Variants in ETAA1 observed in about 807,000 individuals in gnomAD.
ETAA1 encodes ETAA1 activator of ATR kinase.
Under a neutral mutation model 76.8 loss-of-function variants are expected in ETAA1, and 49 were observed. The observed-to-expected ratio is 0.64, with a 90% CI of 0.51 to 0.81. The LOEUF is 0.81. Ranked by LOEUF, ETAA1 falls within the 30% of genes least tolerant of loss-of-function variation. The pLI, the probability that ETAA1 is intolerant of heterozygous loss-of-function variation, is 0.00. For missense variants in ETAA1, 1,099 were observed against 1,074.0 expected (o/e 1.02, Z -0.32); for synonymous variants, 373 against 372.2 (o/e 1.00, Z -0.03).
intron 4 of ETAA1, 73 bp from the exon 5 acceptor site, chr2:67,403,152 C>G: frequency 8.5e-7 from 1 of 1,179,830 alleles, no homozygotes; most frequent in Non-Finnish European, 1.2e-6. Flanking sequence ...GCTTTAACAT[C>G]AAAATATGTT....
chr2:67,409,651 G>A (rs915491555), intron 5 of ETAA1, among the ~76,000 whole-genome samples: 35 of 151,888 alleles, frequency 2.3e-4, no homozygotes, highest in African/African-American at 7.2e-4. Flanking sequence ...TGGGTAGTCA[G>A]TTTTCTATCA....
At chr2:67,398,620 C>T (rs896208892) in intron 1 of ETAA1, among the ~76,000 whole-genome samples, 1 of 152,066 alleles carries the variant, frequency 6.6e-6, no homozygotes, top group East Asian at 1.9e-4. Context: ...ACAGCCACCG[C>T]GCCCGGCCAC....
At position 67,404,916 on chromosome 2, in the gene ETAA1, G is replaced by C; in HGVS notation, c.2234G>C (p.Cys745Ser). The C allele has an allele frequency of 6.2e-7, 1 of 1,613,024 alleles. No homozygotes were observed. Among genetic ancestry groups the C allele is most frequent in the Non-Finnish European group, 8.5e-7 (1 of 1,179,376 alleles). The change falls in exon 5 of 6, where the codon TGT becomes TCT. Residue 745 changes from cysteine (C) to serine (S), a missense_variant. By Grantham distance (112) the Cys-to-Ser change is moderately radical (BLOSUM62 -1). Coordinates refer to ENST00000272342, the MANE Select transcript of ETAA1 (RefSeq NM_019002.4). ...ACTATGTATTCTAAGATCTCAAACTGTCAGATAAATAATCTGCATGTGTCT... is the reference window on the plus strand; with the variant it reads ...ACTATGTATTCTAAGATCTCAAACTCTCAGATAAATAATCTGCATGTGTCT... ...NLTMYSKISN[C>S]QINNLHVSYT...
Position 67,403,638 on chromosome 2 carries a change from T to G in ETAA1, c.956T>G (p.Leu319Trp). The change falls in exon 5 of 6, where the codon TTG (leucine) becomes TGG (tryptophan). Residue 319 changes from leucine (L) to tryptophan (W), a missense_variant. By Grantham distance (61) the Leu-to-Trp change is moderately conservative (BLOSUM62 -2). Transcript: ENST00000272342. ...ACTACCTTTGTAAAGACAAATGCTT[T>G]GAAAGAGGAGAAAATCATTACTAAT... is the stretch of plus-strand genomic sequence containing the variant. ...SNTTFVKTNA[L>W]KEEKIITNET... 6.2e-7 allele frequency: 1 copy of G among 1,613,340 alleles called. No homozygotes were observed. The highest frequency in any genetic ancestry group is 1.1e-5 in the South Asian group (1 of 91,058).
intron 3 of ETAA1, among the ~76,000 whole-genome samples, chr2:67,400,011 A>C (rs1415455537): frequency 6.6e-6 from 1 of 152,320 alleles, no homozygotes; most frequent in East Asian, 1.9e-4. Flanking sequence ...CCTGTCTGTA[A>C]CATTTCCCCA....
At chr2:67,401,556 AAATC>A (rs1453916361) in intron 3 of ETAA1, 2 of 151,890 alleles carry the variant, frequency 1.3e-5, no homozygotes, top group Non-Finnish European at 3.0e-5. Flanking sequence ...TTATGGTTGA[AAATC>A]AATAAATTAT....
chr2:67,401,221 T>C (rs1186877373), intron 3 of ETAA1: 1 of 152,062 alleles, frequency 6.6e-6, no homozygotes, highest in East Asian at 1.9e-4. Flanking sequence ...CCTCTTAAAC[T>C]GAGTACTTTT....
At chr2:67,408,258 A>C (rs1676271648) in intron 5 of ETAA1, among the ~76,000 whole-genome samples, 1 of 152,150 alleles carries the variant, frequency 6.6e-6, no homozygotes, top group Non-Finnish European at 1.5e-5. Context: ...GATCTGTCCA[A>C]ATCCAGCCTG....
chr2:67,403,625 A>G lies in ETAA1; in HGVS notation c.943A>G (p.Lys315Glu), dbSNP rs1676118259. ...GAGCACCAGTAATACTACCTTTGTA[A>G]AGACAAATGCTTTGAAAGAGGAGAA... is the stretch of plus-strand genomic sequence containing the variant. Reference protein sequence around the residue: ...FWSTSNTTFVKTNALKEEKII... With the variant: ...FWSTSNTTFVETNALKEEKII... Residue 315 changes from lysine (K) to glutamate (E), a missense_variant, in exon 5 of 6, where the codon AAG becomes GAG. Lys to Glu is a moderately conservative substitution (Grantham distance 56). Around this residue, in one of 3 missense-constraint regions of ETAA1, gnomAD observed 761 missense variants for 731.9 expected, o/e 1.04. Coordinates refer to ENST00000272342, the MANE Select transcript of ETAA1 (RefSeq NM_019002.4). 1 of 1,613,258 alleles carries G rather than the reference A, an allele frequency of 6.2e-7. No homozygotes were observed. Among genetic ancestry groups the G allele is most frequent in the South Asian group, 1.1e-5 (1 of 91,070 alleles).
At position 67,402,901 on chromosome 2, in the gene ETAA1, A is replaced by C. The variant is rs373692063; in HGVS notation, c.469A>C (p.Ile157Leu). The change falls in exon 4 of 6, where the codon ATT (isoleucine) becomes CTT (leucine). Residue 157 changes from isoleucine to leucine, a missense_variant. This residue lies in a region of ETAA1 where 761 missense variants were observed against 731.9 expected (regional missense o/e 1.04). Coordinates refer to ENST00000272342, the MANE Select transcript of ETAA1 (RefSeq NM_019002.4). Reference protein sequence around the residue: ...PTTNSMLDMWIGETAIPCTPS... With the variant: ...PTTNSMLDMWLGETAIPCTPS... ...AACAAATTCTATGCTGGACATGTGG[A>C]TTGGTGAAACTGCTATTCCTTGTAC... 8.7e-6 allele frequency: 14 copies of C among 1,605,032 alleles called. No homozygotes were observed. The highest frequency in any genetic ancestry group is 1.1e-5 in the Non-Finnish European group (13 of 1,175,676).
rs1675899576 is a variant in ETAA1, at chr2:67,397,362, C to CG, written c.-83dup. The CG allele has an allele frequency of 7.3e-7, 1 of 1,368,106 alleles. No individual in the cohort carries two copies. Among genetic ancestry groups the CG allele is most frequent in the East Asian group, 2.5e-5 (1 of 39,840 alleles). The allele number at this position is 1,368,106 out of a possible 1,614,324, so 84.7% of individuals were successfully genotyped here. A position where few individuals can be genotyped will look rare whatever the true frequency, so the allele number is the denominator to read the frequency against. ...ACCAAAATGGCGGCTGCCGTTGGTG[C>CG]GGGGTGCGGTTTGTAGTGCTGTTGC... On this transcript the variant is annotated 5_prime_UTR_variant, in exon 1 of 6. It removes the in-frame stop codon of an upstream open reading frame in the 5' UTR. Coordinates refer to ENST00000272342, the MANE Select transcript of ETAA1 (RefSeq NM_019002.4).
Position 67,397,423 on chromosome 2 carries a change from C to G in ETAA1, c.-26C>G. On this transcript the variant is annotated 5_prime_UTR_variant, in exon 1 of 6. Coordinates refer to ENST00000272342, the MANE Select transcript of ETAA1 (RefSeq NM_019002.4). ...CCTTTGCAAAATGTGAAAGAAGAAG[C>G]GGCTGGTGGAGGCGGGCCATAGGCA... The G allele has an allele frequency of 6.4e-7, 1 of 1,566,080 alleles. No individual in the cohort carries two copies.
rs763212118 is a variant in ETAA1, at chr2:67,404,065, T to C, written c.1383T>C (p.Tyr461=). 2.5e-6 allele frequency: 4 copies of C among 1,601,512 alleles called. No individual in the cohort carries two copies. In the Admixed American group the frequency reaches 7.0e-5, roughly 28 times the overall value. The change falls in exon 5 of 6, where the codon TAT becomes TAC. Residue 461 remains tyrosine, a synonymous_variant. Coordinates refer to ENST00000272342, the MANE Select transcript of ETAA1 (RefSeq NM_019002.4). ...ACAGAGAATTAATAGATGCAGAATA[T>C]AGATTTTCACCAAATTCAAATAAAT... ...TYDRELIDAE[Y]RFSPNSNKSN... is the part of the protein sequence containing the mutation.
Position 67,403,791 on chromosome 2 carries a change from A to G in ETAA1, c.1109A>G (p.Tyr370Cys). 2 of 1,613,366 alleles carry G rather than the reference A, an allele frequency of 1.2e-6. No individual in the cohort carries two copies. The highest frequency in any genetic ancestry group is 1.1e-5 in the South Asian group (1 of 91,072). ...CTKEPETSNK[Y>C]IDAFTTSDFE... ...AAGGAGCCAGAAACTTCTAATAAGT[A>G]CATTGATGCATTTACTACAAGTGAT... The change falls in exon 5 of 6, where the codon TAC becomes TGC. Residue 370 changes from tyrosine to cysteine, a missense_variant. Physicochemically the swap from Tyr to Cys is radical, Grantham distance 194. Around this residue, in one of 3 missense-constraint regions of ETAA1, gnomAD observed 761 missense variants for 731.9 expected, o/e 1.04. Transcript: ENST00000272342.
At chr2:67,406,555 A>T (rs1676225508) in intron 5 of ETAA1, among the ~76,000 whole-genome samples, 2 of 152,290 alleles carry the variant, frequency 1.3e-5, no homozygotes, top group South Asian at 2.1e-4. Context: ...CAATAGTAAT[A>T]TGCTAGTTAT....
At chr2:67,397,768 G>A (rs368894042) in intron 1 of ETAA1, 97 bp downstream of exon 1, 1 of 1,232,362 alleles carries the variant, frequency 8.1e-7, no homozygotes, top group Non-Finnish European at 1.1e-6. Context: ...GGAGTCTGGA[G>A]CGTGTATTCT....
intron 3 of ETAA1, chr2:67,400,582 C>T (rs923433950): frequency 6.6e-6 from 1 of 152,148 alleles, no homozygotes; most frequent in Non-Finnish European, 1.5e-5. Flanking sequence ...GAAGCAAAGG[C>T]TCAATACGTG....
At chr2:67,401,576 T>C (rs999942042) in intron 3 of ETAA1, 1 of 151,876 alleles carries the variant, frequency 6.6e-6, no homozygotes, top group Non-Finnish European at 1.5e-5. Context: ...ATTATGTAAT[T>C]ATTCATGAAG....
At position 67,405,213 on chromosome 2, in the gene ETAA1, T is replaced by A. The variant is rs146691063; in HGVS notation, c.2531T>A (p.Met844Lys). 1.9e-6 allele frequency: 3 copies of A among 1,612,540 alleles called. No individual in the cohort carries two copies. The African/African-American group carries it at 4.0e-5, about 22-fold the overall frequency. ...AATCAAAATTGTATAACTGGAAGTA[T>A]GTCTGATACCAAAATTACACAGGGT... is the stretch of plus-strand genomic sequence containing the variant. ...QFNQNCITGS[M>K]SDTKITQGVE... Residue 844 changes from methionine (M) to lysine (K), a missense_variant, in exon 5 of 6, where the codon ATG (methionine) becomes AAG (lysine). Transcript: ENST00000272342.
Sources: gnomAD v4.1 joint callset for allele counts (sites outside exome capture counted in the v4.1 genomes callset) on GRCh38, gnomAD v4.1.1 for gene constraint, gnomAD v4.1.1 regional missense constraint, MANE v1.5 for transcripts, NCBI Gene and HGNC (gene_info 2026-07-23, HGNC 2026-07-21) for gene names.